SCAND1: variants seen among roughly 807,000 people sequenced by gnomAD.
The protein encoded by SCAND1 is SCAN domain containing 1.
Under a neutral mutation model 3.4 loss-of-function variants are expected in SCAND1, and 3 were observed. The observed-to-expected ratio is 0.87, with a 90% CI of 0.40 to 2.25. The LOEUF (loss-of-function observed/expected upper bound fraction) is 2.25. Among genes scored for constraint, SCAND1 ranks in the 30% most tolerant of loss-of-function variants. SCAND1 has a pLI of 0.05. For missense variants in SCAND1, 303 were observed against 258.8 expected (o/e 1.17, Z -1.17); for synonymous variants, 152 against 120.5 (o/e 1.26, Z -1.72).
intron 1 of SCAND1, 29 bp from the exon 2 acceptor site, chr20:35,954,368 C>A (rs748148891): frequency 6.3e-7 from 1 of 1,590,540 alleles, no homozygotes; most frequent in Admixed American, 1.8e-5. Flanking sequence ...AGCAGGGAGA[C>A]GTTTCCGGTT....
At chr20:35,955,589 A>G (rs529769255), upstream of SCAND1, among the ~76,000 whole-genome samples, 2 of 152,280 alleles carry the variant, frequency 1.3e-5, no homozygotes, top group East Asian at 3.9e-4. Flanking sequence ...TGTTTTTATT[A>G]GGTAAACTGC....
Sources: allele counts gnomAD v4.1 joint callset (sites outside exome capture counted in the v4.1 genomes callset), GRCh38; gene constraint gnomAD v4.1.1; transcripts MANE v1.5; gene names NCBI Gene and HGNC (gene_info 2026-07-23, HGNC 2026-07-21).